The following MYO9A variants were observed in gnomAD, a reference collection of about 807,000 sequenced individuals.
The protein encoded by MYO9A is myosin IXA, also known as unconventional myosin-IXa.
A neutral mutation model predicts 293.3 loss-of-function variants in MYO9A; 103 were observed. That is an observed-to-expected ratio of 0.35 (90% confidence interval 0.30 to 0.41). MYO9A has a LOEUF of 0.41. Ranked by LOEUF, MYO9A falls within the 10% of genes least tolerant of loss-of-function variation. The pLI is 1.00. For missense variants in MYO9A, 2,685 were observed against 3,033.0 expected (o/e 0.89, Z 2.69); for synonymous variants, 1,001 against 1,035.7 (o/e 0.97, Z 0.64).
At chr15:71,852,493 A>G (rs1369952401) in intron 35 of MYO9A, 1 of 283,722 alleles carries the variant, frequency 3.5e-6, no homozygotes, top group East Asian at 7.7e-5. Flanking sequence ...CCTCCGGAGT[A>G]GCTGGGATTA....
chr15:72,003,162 G>A (rs772893607), intron 8 of MYO9A, among the ~76,000 whole-genome samples: 3 of 151,640 alleles, frequency 2.0e-5, no homozygotes, highest in Admixed American at 6.6e-5. Flanking sequence ...CCAGCTACTC[G>A]GGAGGCTGAG....
At chr15:71,959,112 A>C (rs1440115732) in intron 14 of MYO9A, 1 of 152,228 alleles carries the variant, frequency 6.6e-6, no homozygotes, top group Non-Finnish European at 1.5e-5. Flanking sequence ...GTAAAAGGCA[A>C]AGCAGGTTTG....
intron 14 of MYO9A, among the ~76,000 whole-genome samples, chr15:71,956,330 A>ATATATACATAT (rs1555490831): frequency 1.3e-5 from 1 of 75,584 alleles, no homozygotes; most frequent in African/African-American, 6.0e-5. Context: ...AAAAAAAAAA[A>ATATATACATAT]ATATATATAT....
At chr15:72,022,457 G>A (rs1297231158) in intron 4 of MYO9A, among the ~76,000 whole-genome samples, 1 of 151,652 alleles carries the variant, frequency 6.6e-6, no homozygotes, top group Non-Finnish European at 1.5e-5. Flanking sequence ...GGAGGCGGAG[G>A]TTGCAGTGAG....
chr15:72,046,186 C>A lies in MYO9A; in HGVS notation c.378G>T (p.Arg126=), dbSNP rs2078379311. ...TCATCCTGCGACGTTCTTCTGTTAC[C>A]CGTAGCCATGACTGCAGGCTACCAT... ...IHYGSLQSWL[R]VTEERRRMME... Residue 126 remains arginine (R), a synonymous_variant, in exon 2 of 42, where the codon CGG becomes CGT. Coordinates refer to ENST00000356056, the MANE Select transcript of MYO9A (RefSeq NM_006901.4). The A allele has an allele frequency of 6.2e-7, 1 of 1,614,100 alleles. No homozygotes were observed. Among genetic ancestry groups the A allele is most frequent in the Non-Finnish European group, 8.5e-7 (1 of 1,180,010 alleles).
intron 26 of MYO9A, chr15:71,893,284 A>G: frequency 1.1e-6 from 1 of 874,192 alleles, no homozygotes; most frequent in Non-Finnish European, 1.5e-6. Flanking sequence ...ATTTCTTGAA[A>G]TATCCCTCCA....
Position 72,021,069 on chromosome 15 carries a change from A to G in MYO9A, c.999-52T>C, listed in dbSNP as rs189324223. On this transcript the variant is annotated intron_variant, in intron 4 of 41. Coordinates refer to ENST00000356056, the MANE Select transcript of MYO9A (RefSeq NM_006901.4). ...TCATAATGTGTGACTTATGGTTATC[A>G]TTTAACAGGGGGAGGGGGGAAGCAA... 4.0e-3 allele frequency: 4,686 copies of G among 1,173,506 alleles called. 17 individuals carry two copies. Among genetic ancestry groups the G allele is most frequent in the Non-Finnish European group, 5.0e-3 (4,137 of 833,734 alleles). The allele number at this position is 1,173,506 out of a possible 1,614,324, so 72.7% of individuals were successfully genotyped here.
intron 32 of MYO9A, among the ~76,000 whole-genome samples, chr15:71,863,146 C>T (rs1199172645): frequency 6.6e-6 from 1 of 151,712 alleles, no homozygotes; most frequent in Non-Finnish European, 1.5e-5. Flanking sequence ...GTTGGCCAGG[C>T]TGGTCTTGAA....
intron 19 of MYO9A, among the ~76,000 whole-genome samples, chr15:71,906,761 T>TCTTTC (rs915669108): frequency 9.7e-6 from 1 of 103,602 alleles, no homozygotes; most frequent in African/African-American, 3.8e-5. Context: ...TTTCTTTCTT[T>TCTTTC]TTTTTTTTTT....
intron 31 of MYO9A, among the ~76,000 whole-genome samples, chr15:71,877,125 G>A (rs12050794): frequency 0.54 from 82,575 of 152,050 alleles, 27,523 homozygotes; most frequent in Non-Finnish European, 0.73. Context: ...ATATGAATAG[G>A]TATCTAATTA....
At chr15:72,020,390 C>T (rs564420361) in intron 5 of MYO9A, among the ~76,000 whole-genome samples, 2 of 152,224 alleles carry the variant, frequency 1.3e-5, no homozygotes, top group South Asian at 4.2e-4. Context: ...GATCCAAATT[C>T]TCTAAGTCAT....
intron 4 of MYO9A, among the ~76,000 whole-genome samples, chr15:72,023,115 C>G (rs1431348059): frequency 6.6e-6 from 1 of 151,948 alleles, no homozygotes; most frequent in Non-Finnish European, 1.5e-5. Context: ...AGAAATTAAT[C>G]CAAAAAGAAT....
chr15:72,113,057 C>G (rs931741738), intron 1 of MYO9A, among the ~76,000 whole-genome samples: 2 of 152,102 alleles, frequency 1.3e-5, no homozygotes, highest in East Asian at 3.8e-4. Flanking sequence ...ACAGTGAGAC[C>G]CTATTTTTTC....
chr15:71,942,482 T>C (rs1407039862), intron 15 of MYO9A, among the ~76,000 whole-genome samples: 1 of 152,076 alleles, frequency 6.6e-6, no homozygotes, highest in Non-Finnish European at 1.5e-5. Flanking sequence ...CTTACTGCTA[T>C]AATTGATACA....
chr15:71,888,353 T>C, intron 26 of MYO9A: 1 of 254,212 alleles, frequency 3.9e-6, no homozygotes, highest in Admixed American at 5.4e-5. Flanking sequence ...TTTCTGACAA[T>C]TTAAAAAAGA....
chr15:71,980,767 G>A (rs1187677759), intron 11 of MYO9A, among the ~76,000 whole-genome samples: 1 of 152,182 alleles, frequency 6.6e-6, no homozygotes, highest in East Asian at 1.9e-4. Flanking sequence ...GAGCCCAGGA[G>A]ATCAAGTCTG....
At chr15:71,943,516 C>G (rs2058832075) in intron 15 of MYO9A, among the ~76,000 whole-genome samples, 1 of 152,018 alleles carries the variant, frequency 6.6e-6, no homozygotes, top group Non-Finnish European at 1.5e-5. Flanking sequence ...GGCTTCATAA[C>G]ATGTAATTAA....
intron 1 of MYO9A, among the ~76,000 whole-genome samples, chr15:72,052,358 T>G (rs1045671040): frequency 4.6e-5 from 7 of 152,190 alleles, no homozygotes; most frequent in African/African-American, 1.7e-4. Context: ...TCCTCTGAGC[T>G]ATTCTATCAC....
intron 15 of MYO9A, among the ~76,000 whole-genome samples, chr15:71,941,409 T>C (rs1213197037): frequency 2.0e-5 from 3 of 152,192 alleles, no homozygotes; most frequent in African/African-American, 7.2e-5. Context: ...CACTCCAGCC[T>C]GGATGACAGG....
Sources: gnomAD v4.1 joint callset for allele counts (sites outside exome capture counted in the v4.1 genomes callset) on GRCh38, gnomAD v4.1.1 for gene constraint, MANE v1.5 for transcripts, NCBI Gene and HGNC (gene_info 2026-07-23, HGNC 2026-07-21) for gene names.